The following MDM4 variants were observed in gnomAD, a reference collection of about 807,000 sequenced individuals.
MDM4 encodes the protein protein Mdm4.
In MDM4, 2 loss-of-function variants were observed where a neutral mutation model predicts 60.2. That is an observed-to-expected ratio of 0.03 (90% CI 0.01 to 0.10). The LOEUF is 0.10. MDM4 is among the 10% of genes least tolerant of loss of function. The pLI is 1.00. For missense variants in MDM4, 447 were observed against 577.5 expected, an observed-to-expected ratio of 0.77 and a Z score of 2.32; for synonymous variants, 202 against 198.1, an observed-to-expected ratio of 1.02 and a Z score of -0.17.
At chr1:204,546,760 A>G in intron 9 of MDM4, 37 bp from the exon 10 acceptor site, 5 of 1,401,638 alleles carry the variant, frequency 3.6e-6, no homozygotes, top group Non-Finnish European at 4.0e-6. Flanking sequence ...ATCTAAAACA[A>G]GTAAACATTA....
chr1:204,529,208 C>A, intron 3 of MDM4: 2 of 748,434 alleles, frequency 2.7e-6, no homozygotes, highest in South Asian at 3.1e-5. Flanking sequence ...TAGGTCTTGT[C>A]AAACATGTTT....
At chr1:204,544,005 G>A (rs1662393448) in intron 8 of MDM4, among the ~76,000 whole-genome samples, 1 of 152,206 alleles carries the variant, frequency 6.6e-6, no homozygotes, top group African/African-American at 2.4e-5. Context: ...CATGAATGTT[G>A]TAGAAAAGCA....
chr1:204,542,880 T>C lies in MDM4; in HGVS notation c.608T>C (p.Leu203Ser). Residue 203 changes from leucine (L) to serine (S), a missense_variant, in exon 8 of 11, where the codon TTA becomes TCA. Physicochemically the swap from Leu to Ser is moderately radical, Grantham distance 145. Coordinates refer to ENST00000367182, the MANE Select transcript of MDM4 (RefSeq NM_002393.5). The stretch of plus-strand genomic sequence containing the variant: ...GTAGCTGGCCTGCCTTGGTGGTTTT[T>C]AGGAAACTTGAGAAGCAACTATACA... Reference protein sequence around the residue: ...WDVAGLPWWFLGNLRSNYTPR... With the variant: ...WDVAGLPWWFSGNLRSNYTPR... 1 of 1,614,152 alleles carries C rather than the reference T, an allele frequency of 6.2e-7. No homozygotes were observed.
In MDM4 at chr1:204,551,461, CTTTTTTTTTTTTTTT is replaced by C. The variant is rs56047802; in HGVS notation, c.*1794_*1808del. 1.3e-4 allele frequency: 12 copies of C among 91,520 alleles called. No individual in the cohort carries two copies. Among genetic ancestry groups the C allele is most frequent in the South Asian group, 5.8e-4 (1 of 1,728 alleles). 5.7% of individuals were successfully genotyped at this position (91,520 alleles called of 1,614,324 possible). ...ATACTGGATGGTTGAGAGGCAGCCT[CTTTTTTTTTTTTTTT>C]TTTTTTTTTTTTTTGGAGGATAGGG... On this transcript the variant is annotated 3_prime_UTR_variant, in exon 11 of 11. Transcript: ENST00000367182.
In MDM4 at chr1:204,538,321, T is replaced by C. The variant is rs748131704; in HGVS notation, c.511+13T>C. On this transcript the variant is annotated intron_variant, in intron 7 of 10. Coordinates refer to ENST00000367182, the MANE Select transcript of MDM4 (RefSeq NM_002393.5). The stretch of plus-strand genomic sequence containing the variant: ...CATTCTAGAGAAGGTATGTTTTGGA[T>C]TAAGGCTATATAGACTTTTGTTCTC... 2 of 1,418,744 alleles carry C rather than the reference T, an allele frequency of 1.4e-6. No individual in the cohort carries two copies. Among genetic ancestry groups the C allele is most frequent in the Non-Finnish European group, 2.0e-6 (2 of 1,003,352 alleles). 87.9% of individuals were successfully genotyped at this position (1,418,744 alleles called of 1,614,324 possible). A position where few individuals can be genotyped will look rare whatever the true frequency, so the allele number is the denominator to read the frequency against.
In MDM4 at chr1:204,551,416, C is replaced by G; in HGVS notation, c.*1734C>G. ...TTTAGTGCCTCTGGAGCTGCTTACA[C>G]CAAGGCAATACGCCTTGATATACTG... On this transcript the variant is annotated 3_prime_UTR_variant, in exon 11 of 11. Coordinates refer to ENST00000367182, the MANE Select transcript of MDM4 (RefSeq NM_002393.5). The G allele has an allele frequency of 4.5e-6, 1 of 223,896 alleles. No homozygotes were observed. Among genetic ancestry groups the G allele is most frequent in the East Asian group, 6.4e-5 (1 of 15,632 alleles). The allele number at this position is 223,896 out of a possible 1,614,324, so 13.9% of individuals were successfully genotyped here.
At chr1:204,528,958 A>C in intron 3 of MDM4, 1 of 1,558,326 alleles carries the variant, frequency 6.4e-7, no homozygotes, top group Non-Finnish European at 8.8e-7. Context: ...AGCTGGGTGC[A>C]CACCTGGATG....
rs1663521144 is a variant in MDM4, at chr1:204,556,140, C to T, written c.*6458C>T. ...ACCTTTACTGTGTCATTTATATCCC[C>T]TTAGTTCCAAAGTTAATTATCTTAT... On this transcript the variant is annotated 3_prime_UTR_variant, in exon 11 of 11. Coordinates refer to ENST00000367182, the MANE Select transcript of MDM4 (RefSeq NM_002393.5). 1 of 223,724 alleles carries T rather than the reference C, an allele frequency of 4.5e-6. No individual in the cohort carries two copies. Among genetic ancestry groups the T allele is most frequent in the South Asian group, 1.8e-4 (1 of 5,460 alleles). The allele number at this position is 223,724 out of a possible 1,614,324, so 13.9% of individuals were successfully genotyped here.
rs1379316060 is a variant in MDM4, at chr1:204,546,882, G to C, written c.903+5G>C. On this transcript the variant is annotated splice_donor_5th_base_variant and intron_variant, in intron 10 of 10. Transcript: ENST00000367182. ...GATGTAGAGGTTACCTCTGAGGTAT[G>C]AATCTTTAGCAAGAACTATTTTGCA... is the stretch of plus-strand genomic sequence containing the variant. The C allele has an allele frequency of 1.3e-6, 2 of 1,587,500 alleles. No homozygotes were observed. Among genetic ancestry groups the C allele is most frequent in the Non-Finnish European group, 1.7e-6 (2 of 1,157,122 alleles).
At chr1:204,529,245 G>C in intron 3 of MDM4, 1 of 729,090 alleles carries the variant, frequency 1.4e-6, no homozygotes, top group Middle Eastern at 2.7e-4. Flanking sequence ...TCTCATCATT[G>C]AACAAGGACC....
intron 2 of MDM4, 38 bp from the exon 3 acceptor site, chr1:204,526,322 G>T: frequency 6.5e-7 from 1 of 1,540,440 alleles, no homozygotes; most frequent in Non-Finnish European, 8.9e-7. Context: ...AAACCTACTT[G>T]AAATGTAAAT....
At chr1:204,519,197 T>G (rs186654025) in intron 1 of MDM4, among the ~76,000 whole-genome samples, 1 of 152,212 alleles carries the variant, frequency 6.6e-6, no homozygotes, top group Non-Finnish European at 1.5e-5. Context: ...TTTACAGCAA[T>G]AGCAAGCTGT....
chr1:204,551,221 T>C lies in MDM4; in HGVS notation c.*1539T>C, dbSNP rs538542323. Reference sequence around the variant, plus strand: ...CCACCATGCCCAGCTGAATTTTGTATTTTTTGTACAGACAGCATTTTGCCA... The same window carrying C: ...CCACCATGCCCAGCTGAATTTTGTACTTTTTGTACAGACAGCATTTTGCCA... On this transcript the variant is annotated 3_prime_UTR_variant, in exon 11 of 11. Transcript: ENST00000367182. The C allele has an allele frequency of 9.6e-6, 2 of 209,062 alleles. No homozygotes were observed. Among genetic ancestry groups the C allele is most frequent in the East Asian group, 1.4e-4 (2 of 13,816 alleles). 13.0% of individuals were successfully genotyped at this position (209,062 alleles called of 1,614,324 possible).
chr1:204,543,770 A>G (rs895193880), intron 8 of MDM4, among the ~76,000 whole-genome samples: 3 of 152,086 alleles, frequency 2.0e-5, no homozygotes, highest in Admixed American at 2.0e-4. Context: ...CTTTTATCCT[A>G]TTTTATTCTC....
chr1:204,534,910 A>G (rs1661242366), intron 5 of MDM4, among the ~76,000 whole-genome samples: 1 of 152,138 alleles, frequency 6.6e-6, no homozygotes. Flanking sequence ...AACATCTTAC[A>G]TAATAATAGT....
At chr1:204,528,870 A>G in intron 3 of MDM4, 3 of 1,585,018 alleles carry the variant, frequency 1.9e-6, no homozygotes, top group Non-Finnish European at 2.6e-6. Context: ...TGTCATGGTG[A>G]CGACGTCCTT....
intron 3 of MDM4, chr1:204,529,730 A>G: frequency 2.0e-6 from 1 of 501,234 alleles, no homozygotes; most frequent in Non-Finnish European, 3.6e-6. Context: ...CAAGGGGTAA[A>G]GTCTGGATTT....
intron 5 of MDM4, among the ~76,000 whole-genome samples, chr1:204,534,022 G>A (rs1304839316): frequency 6.6e-6 from 1 of 152,126 alleles, no homozygotes; most frequent in Non-Finnish European, 1.5e-5. Context: ...CTGGCCTCAA[G>A]TGATTCTTCC....
chr1:204,547,356 T>G (rs1662766180), intron 10 of MDM4, among the ~76,000 whole-genome samples: 1 of 152,242 alleles, frequency 6.6e-6, no homozygotes, highest in Non-Finnish European at 1.5e-5. Context: ...TAAAGAAGAC[T>G]TGATATTCCA....
Sources: gnomAD v4.1 joint callset for allele counts (sites outside exome capture counted in the v4.1 genomes callset) on GRCh38, gnomAD v4.1.1 for gene constraint, MANE v1.5 for transcripts, NCBI Gene and HGNC (gene_info 2026-07-23, HGNC 2026-07-21) for gene names.